Variants in LIFR observed in about 807,000 individuals in gnomAD.
The protein encoded by LIFR is leukemia inhibitory factor receptor.
A neutral mutation model predicts 122.2 loss-of-function variants in LIFR; 84 were observed. The ratio of observed to expected loss-of-function variants is 0.69; its 90% CI spans 0.58 to 0.82. The LOEUF (loss-of-function observed/expected upper bound fraction) is 0.82, where lower values mean the gene tolerates loss of function less well. Ranked by LOEUF, LIFR falls within the 40% of genes least tolerant of loss-of-function variation. The pLI, the probability that LIFR is intolerant of heterozygous loss-of-function variation, is 0.00. For synonymous variants in LIFR, 422 were observed against 434.7 expected (o/e 0.97, Z 0.36); for missense variants, 1,294 against 1,311.6 (o/e 0.99, Z 0.21).
intron 1 of LIFR, among the ~76,000 whole-genome samples, chr5:38,584,148 A>T (rs1749675428): frequency 6.6e-6 from 1 of 152,082 alleles, no homozygotes; most frequent in Non-Finnish European, 1.5e-5. Context: ...ATTAGATACC[A>T]TTTCACACCC....
intron 1 of LIFR, among the ~76,000 whole-genome samples, chr5:38,531,701 G>C (rs1302086410): frequency 6.6e-6 from 1 of 152,066 alleles, no homozygotes; most frequent in Non-Finnish European, 1.5e-5. Context: ...TGTGGGAAAA[G>C]AGATAAGAAA....
chr5:38,482,733 A>G, intron 18 of LIFR, 66 bp from the exon 19 acceptor site: 1 of 669,614 alleles, frequency 1.5e-6, no homozygotes, highest in Non-Finnish European at 2.5e-6. Flanking sequence ...AAATTAATAA[A>G]TCATTAGGCT....
intron 1 of LIFR, among the ~76,000 whole-genome samples, chr5:38,566,823 A>C (rs1175053387): frequency 6.6e-6 from 1 of 152,182 alleles, no homozygotes; most frequent in East Asian, 1.9e-4. Context: ...AAATGTTCAT[A>C]TGACAAGTGA....
intron 1 of LIFR, among the ~76,000 whole-genome samples, chr5:38,566,585 A>G (rs1749032085): frequency 6.6e-6 from 1 of 152,246 alleles, no homozygotes; most frequent in East Asian, 1.9e-4. Flanking sequence ...AAGGTTGGAT[A>G]ACACTGAGTT....
intron 18 of LIFR, among the ~76,000 whole-genome samples, chr5:38,484,194 C>T (rs1265753983): frequency 6.6e-6 from 1 of 152,238 alleles, no homozygotes; most frequent in Non-Finnish European, 1.5e-5. Flanking sequence ...GACGTAGCCC[C>T]CTGCTGGTCT....
rs183667396 is a variant in LIFR, at chr5:38,528,682, C to T, written c.257+44G>A. ...AGGTAAGAACTGAGGGTCGTTTCTG[C>T]AATTCAACCTAGCTCATTGTGAATT... On this transcript the variant is annotated intron_variant, in intron 3 of 19. Coordinates refer to ENST00000453190, the MANE Select transcript of LIFR (RefSeq NM_001127671.2). 55 of 1,160,562 alleles carry T rather than the reference C, an allele frequency of 4.7e-5. No homozygotes were observed. The East Asian group carries it at 1.3e-3, about 27-fold the overall frequency. The allele number at this position is 1,160,562 out of a possible 1,614,324, so 71.9% of individuals were successfully genotyped here.
In LIFR at chr5:38,563,128, C is replaced by T. The variant is rs565451608; in HGVS notation, c.-20+32133G>A. Among the ~76,000 whole-genome samples the T allele has an allele frequency of 4.6e-5, 7 of 152,286 alleles. 1 individual carries two copies. In the South Asian group the frequency reaches 1.5e-3, roughly 32 times the overall value. Reference sequence around the variant, plus strand: ...CCACTCTCAAAGGGAAAGTCTGCAGCTTGGAATTTTTTTTCTGTGACACGC... The same window carrying T: ...CCACTCTCAAAGGGAAAGTCTGCAGTTTGGAATTTTTTTTCTGTGACACGC... On this transcript the variant is annotated intron_variant, in intron 1 of 19. Transcript: ENST00000263409.
At chr5:38,571,796 C>T (rs762533883) in intron 1 of LIFR, among the ~76,000 whole-genome samples, 3 of 152,090 alleles carry the variant, frequency 2.0e-5, no homozygotes, top group Non-Finnish European at 2.9e-5. Context: ...AGTGTGCTTC[C>T]CTTTCTGAAC....
At chr5:38,540,732 T>A (rs575850998) in intron 1 of LIFR, among the ~76,000 whole-genome samples, 3 of 151,950 alleles carry the variant, frequency 2.0e-5, no homozygotes, top group Admixed American at 6.6e-5. Flanking sequence ...TTTATTATTA[T>A]TATTATGAAA....
intron 1 of LIFR, among the ~76,000 whole-genome samples, chr5:38,570,156 A>G (rs535925828): frequency 6.6e-6 from 1 of 151,538 alleles, no homozygotes; most frequent in South Asian, 2.1e-4. Context: ...TGTAAAATGA[A>G]GATAATAATC....
intron 16 of LIFR, among the ~76,000 whole-genome samples, chr5:38,486,970 C>T (rs1238711153): frequency 6.6e-6 from 1 of 152,106 alleles, no homozygotes; most frequent in Non-Finnish European, 1.5e-5. Flanking sequence ...CTGCTTTTTC[C>T]CTCATTTGCT....
chr5:38,583,555 T>C (rs984410105), intron 1 of LIFR, among the ~76,000 whole-genome samples: 1 of 152,158 alleles, frequency 6.6e-6, no homozygotes, highest in African/African-American at 2.4e-5. Context: ...AACACGTATC[T>C]GATAAGGGGT....
intron 1 of LIFR, among the ~76,000 whole-genome samples, chr5:38,583,014 TTGTC>T (rs1366049078): frequency 5.3e-5 from 8 of 152,252 alleles, no homozygotes; most frequent in Non-Finnish European, 7.3e-5. Context: ...ATTTGTTTAT[TTGTC>T]TGTTTCCTCT....
chr5:38,565,653 T>G (rs1360426524), intron 1 of LIFR, among the ~76,000 whole-genome samples: 1 of 151,704 alleles, frequency 6.6e-6, no homozygotes, highest in Non-Finnish European at 1.5e-5. Flanking sequence ...AATGGCGCAG[T>G]CTCGGCTCAC....
intron 1 of LIFR, among the ~76,000 whole-genome samples, chr5:38,546,756 T>G (rs1209423430): frequency 6.6e-6 from 1 of 152,226 alleles, no homozygotes; most frequent in Non-Finnish European, 1.5e-5. Flanking sequence ...ACAGGCCCAC[T>G]TCTGCCATTT....
chr5:38,497,198 A>G (rs986155858), intron 12 of LIFR, among the ~76,000 whole-genome samples: 1 of 152,184 alleles, frequency 6.6e-6, no homozygotes, highest in African/African-American at 2.4e-5. Flanking sequence ...CGGGAGAATC[A>G]CTTGAACCTG....
chr5:38,576,136 A>G (rs559232136), intron 1 of LIFR, among the ~76,000 whole-genome samples: 1 of 152,208 alleles, frequency 6.6e-6, no homozygotes, highest in South Asian at 2.1e-4. Flanking sequence ...CTGTTTCCTC[A>G]TCTCTATGGT....
At chr5:38,584,370 A>T (rs961044961) in intron 1 of LIFR, among the ~76,000 whole-genome samples, 2 of 152,140 alleles carry the variant, frequency 1.3e-5, no homozygotes, top group African/African-American at 4.8e-5. Context: ...AGATGAAATC[A>T]CCCACTCATA....
chr5:38,481,477 G>C lies in LIFR; in HGVS notation c.*118C>G. The C allele has an allele frequency of 9.1e-7, 1 of 1,094,430 alleles. No homozygotes were observed. Among genetic ancestry groups the C allele is most frequent in the Non-Finnish European group, 1.4e-6 (1 of 709,922 alleles). The allele number at this position is 1,094,430 out of a possible 1,614,324, so 67.8% of individuals were successfully genotyped here. The stretch of plus-strand genomic sequence containing the variant: ...CTTTCAGTGTAACTTAACATGTAGT[G>C]AAGTTCACCTCCTAACAATACTTCA... On this transcript the variant is annotated 3_prime_UTR_variant, in exon 20 of 20. Transcript: ENST00000453190.
Sources: gnomAD v4.1 joint callset for allele counts (sites outside exome capture counted in the v4.1 genomes callset) on GRCh38, gnomAD v4.1.1 for gene constraint, MANE v1.5 for transcripts, NCBI Gene and HGNC (gene_info 2026-07-23, HGNC 2026-07-21) for gene names.